Variants in CEP250 observed in about 807,000 individuals in gnomAD.
The protein encoded by CEP250 is centrosome-associated protein CEP250.
In CEP250, 242 loss-of-function variants were observed where a neutral mutation model predicts 315.7. The ratio of observed to expected loss-of-function variants is 0.77; its 90% CI spans 0.69 to 0.85. The LOEUF (loss-of-function observed/expected upper bound fraction) is 0.85, where lower values mean the gene tolerates loss of function less well. Among genes scored for constraint, CEP250 ranks in the 40% least tolerant of loss-of-function variants. The pLI, the probability that CEP250 is intolerant of heterozygous loss-of-function variation, is 0.00. For missense variants in CEP250, 2,515 were observed against 2,886.4 expected, an observed-to-expected ratio of 0.87 and a Z score of 2.95; for synonymous variants, 1,088 against 1,175.0, an observed-to-expected ratio of 0.93 and a Z score of 1.51.
At chr20:35,500,247 C>T in intron 28 of CEP250, 78 bp downstream of exon 28, 1 of 1,520,166 alleles carries the variant, frequency 6.6e-7, no homozygotes, top group East Asian at 2.3e-5. Context: ...AGGCACAGGC[C>T]TAGCAGCCAC....
intron 20 of CEP250, among the ~76,000 whole-genome samples, chr20:35,484,202 T>C (rs1489471103): frequency 1.3e-5 from 2 of 152,144 alleles, no homozygotes; most frequent in Admixed American, 6.5e-5. Context: ...TTTTTCTTTT[T>C]TCCCCCAGAG....
chr20:35,502,269 C>CT (rs11311074), intron 29 of CEP250, 121 bp from the exon 30 acceptor site: 583,103 of 833,290 alleles, frequency 0.7, 208,122 homozygotes, highest in Non-Finnish European at 0.75. Context: ...TATACCACCA[C>CT]TTTTTTTTGC....
At chr20:35,466,252 GGA>G in intron 7 of CEP250, 48 bp downstream of exon 7, 1 of 1,543,746 alleles carries the variant, frequency 6.5e-7, no homozygotes, top group Non-Finnish European at 8.8e-7. Flanking sequence ...TGTGTATTCT[GGA>G]TGCTGCCCTG....
At chr20:35,487,354 C>T (rs899253457) in intron 20 of CEP250, among the ~76,000 whole-genome samples, 1 of 152,052 alleles carries the variant, frequency 6.6e-6, no homozygotes, top group African/African-American at 2.4e-5. Flanking sequence ...CCTGTAATCC[C>T]AGCTACTTGG....
chr20:35,493,459 C>G lies in CEP250; in HGVS notation c.2920C>G (p.Gln974Glu), dbSNP rs2063752927. 6.2e-7 allele frequency: 1 copy of G among 1,609,206 alleles called. No individual in the cohort carries two copies. Among genetic ancestry groups the G allele is most frequent in the East Asian group, 2.3e-5 (1 of 44,394 alleles). The change falls in exon 23 of 35, where the codon CAG (glutamine) becomes GAG (glutamate). Residue 974 changes from glutamine (Q) to glutamate (E), a missense_variant. By Grantham distance (29) the Gln-to-Glu change is conservative. Transcript: ENST00000397527. ...CACTGGGATACTACAGACCCAGCTC[C>G]AGGAGGCTCAACGGGAGCTGAAGGA... is the stretch of plus-strand genomic sequence containing the variant. ...ETTGILQTQL[Q>E]EAQRELKEAA...
intron 12 of CEP250, 35 bp downstream of exon 12, chr20:35,472,866 G>A: frequency 1.2e-6 from 2 of 1,611,646 alleles, no homozygotes; most frequent in Non-Finnish European, 1.7e-6. Context: ...CAGTCACAGG[G>A]GTTTGTGTCT....
In CEP250 at chr20:35,473,997, C is replaced by T. The variant is rs751244871; in HGVS notation, c.1516C>T (p.Gln506Ter). 6.2e-7 allele frequency: 1 copy of T among 1,603,262 alleles called. No individual in the cohort carries two copies. The highest frequency in any genetic ancestry group is 8.5e-7 in the Non-Finnish European group (1 of 1,176,492). The change falls in exon 14 of 35, where the codon CAG (glutamine) becomes TAG (stop). Residue 506 changes from glutamine (Q) to a stop codon, truncating the protein, a stop_gained. Coordinates refer to ENST00000397527, the MANE Select transcript of CEP250 (RefSeq NM_007186.6). LOFTEE classifies it high-confidence loss of function. ...GCTGCAGGGGGACTCTGCCCAGGGC[C>T]AGAAGGAGGAACAGCAGGAGGAGCT... is the stretch of plus-strand genomic sequence containing the variant. ...LQLQGDSAQG[Q>*]KEEQQEELHL...
At position 35,493,524 on chromosome 20, in the gene CEP250, A is replaced by T. The variant is rs2296403; in HGVS notation, c.2985A>T (p.Gln995His). 1,398 of 1,606,932 alleles carry T rather than the reference A, an allele frequency of 8.7e-4. 31 individuals are homozygous for T. In the East Asian group the frequency reaches 0.028, roughly 32 times the overall value. Residue 995 changes from glutamine to histidine, a missense_variant, in exon 23 of 35, where the codon CAA becomes CAT. Physicochemically the swap from Gln to His is conservative, Grantham distance 24. Transcript: ENST00000397527. ...ACAGAGATGACCTTGCTGCCCTCCA[A>T]GAAGAGAGCAGCTCCCTGCTGCAGG... ...RQHRDDLAAL[Q>H]EESSSLLQDK...
Position 35,511,947 on chromosome 20 carries a change from A to C in CEP250, c.*321A>C. On this transcript the variant is annotated 3_prime_UTR_variant, in exon 35 of 35. Transcript: ENST00000397527. Reference sequence around the variant, plus strand: ...ACCACCTCCTTCATCTTCTCCTTCAACAATAAACCCTGGGATCTTTGCATT... The same window carrying C: ...ACCACCTCCTTCATCTTCTCCTTCACCAATAAACCCTGGGATCTTTGCATT... 5 of 1,147,070 alleles carry C rather than the reference A, an allele frequency of 4.4e-6. No individual in the cohort carries two copies. Among genetic ancestry groups the C allele is most frequent in the East Asian group, 4.8e-5 (1 of 21,002 alleles). The allele number at this position is 1,147,070 out of a possible 1,614,324, so 71.1% of individuals were successfully genotyped here. A position where few individuals can be genotyped will look rare whatever the true frequency, so the allele number is the denominator to read the frequency against.
Position 35,469,975 on chromosome 20 carries a change from G to T in CEP250, c.937G>T (p.Val313Leu). Residue 313 changes from valine to leucine, a missense_variant, in exon 10 of 35, where the codon GTG (valine) becomes TTG (leucine). Val to Leu is a conservative substitution (Grantham distance 32). Transcript: ENST00000397527. Reference sequence around the variant, plus strand: ...GATGATAAAGGCTCTGAGAGAGACAGTGGAGATCCTGGTACATGATCCTTT... The same window carrying T: ...GATGATAAAGGCTCTGAGAGAGACATTGGAGATCCTGGTACATGATCCTTT... The part of the protein sequence containing the change: ...EKMIKALRET[V>L]EILETNHTEL... 1.2e-6 allele frequency: 2 copies of T among 1,611,842 alleles called. No homozygotes were observed. Among genetic ancestry groups the T allele is most frequent in the Non-Finnish European group, 1.7e-6 (2 of 1,177,896 alleles).
Position 35,516,349 on chromosome 20 carries a change from T to C in CEP250, c.*4723T>C, listed in dbSNP as rs2064435622. 6.6e-6 allele frequency: 1 copy of C among 152,226 alleles called. No individual in the cohort carries two copies. Among genetic ancestry groups the C allele is most frequent in the Non-Finnish European group, 1.5e-5 (1 of 68,040 alleles). 9.4% of individuals were successfully genotyped at this position (152,226 alleles called of 1,614,324 possible). On this transcript the variant is annotated 3_prime_UTR_variant, in exon 35 of 35. Coordinates refer to ENST00000397527, the MANE Select transcript of CEP250 (RefSeq NM_007186.6). ...CACATTGCCCTTGCACCTCCTGTCT[T>C]GGTTTCCTATCAAAACCTCTCCCGT...
At position 35,503,959 on chromosome 20, in the gene CEP250, C is replaced by G. The variant is rs2064100939; in HGVS notation, c.5590C>G (p.His1864Asp). The change falls in exon 30 of 35, where the codon CAC becomes GAC. Residue 1864 changes from histidine to aspartate, a missense_variant. His to Asp is a moderately conservative substitution (Grantham distance 81, BLOSUM62 -1). Transcript: ENST00000397527. This position sits in a 1 kb window ranked among gnomAD's most constrained non-coding sequence, Gnocchi z 4.2. ...LKERHGELQD[H>D]KEQARRLEEE... is the part of the protein sequence containing the mutation. ...GGAGCGTCATGGAGAGCTTCAGGAC[C>G]ACAAGGAACAGGCACGAAGGCTGGA... 1.9e-6 allele frequency: 3 copies of G among 1,612,766 alleles called. No homozygotes were observed. The South Asian group carries it at 3.3e-5, about 18-fold the overall frequency.
At chr20:35,497,214 A>C (rs943848630) in intron 25 of CEP250, among the ~76,000 whole-genome samples, 4 of 152,190 alleles carry the variant, frequency 2.6e-5, no homozygotes, top group African/African-American at 9.7e-5. Context: ...AAGGGCACAC[A>C]GGTTTGGCTG....
At chr20:35,470,983 A>G (rs1313576914) in intron 10 of CEP250, among the ~76,000 whole-genome samples, 1 of 152,096 alleles carries the variant, frequency 6.6e-6, no homozygotes, top group Non-Finnish European at 1.5e-5. Context: ...GCTTAATACC[A>G]TGTTTCATCT....
chr20:35,501,270 G>T lies in CEP250; in HGVS notation c.3899-575G>T, dbSNP rs1331165816. On this transcript the variant is annotated intron_variant, in intron 28 of 34. Transcript: ENST00000397527. ...GGGAATCGCTTGAACCCGGGAGGTGGAGGTTGCAGTGAGCCGAGATTGTGC... is the reference window on the plus strand; with the variant it reads ...GGGAATCGCTTGAACCCGGGAGGTGTAGGTTGCAGTGAGCCGAGATTGTGC... 2.0e-5 allele frequency among the ~76,000 whole-genome samples: 3 copies of T among 152,136 alleles called. No homozygotes were observed. In the East Asian group the frequency reaches 5.8e-4, roughly 29 times the overall value.
intron 16 of CEP250, 59 bp downstream of exon 16, chr20:35,476,654 G>C (rs1184898418): frequency 6.9e-7 from 1 of 1,453,408 alleles, no homozygotes; most frequent in Non-Finnish European, 9.6e-7. Flanking sequence ...AGAGCAAGAC[G>C]GATCAGCTCC....
At chr20:35,501,712 T>G in intron 28 of CEP250, 133 bp from the exon 29 acceptor site, 1 of 969,224 alleles carries the variant, frequency 1.0e-6, no homozygotes. Flanking sequence ...GGACACTGGA[T>G]ATAATTTTCT....
intron 22 of CEP250, among the ~76,000 whole-genome samples, chr20:35,492,943 G>A (rs1017161569): frequency 4.6e-5 from 7 of 152,094 alleles, no homozygotes; most frequent in South Asian, 2.1e-4. Context: ...GGCCAGGGTC[G>A]TCTCAAACTT....
At chr20:35,493,616 A>C in intron 23 of CEP250, 44 bp downstream of exon 23, 3 of 1,458,340 alleles carry the variant, frequency 2.1e-6, no homozygotes, top group Non-Finnish European at 2.7e-6. Context: ...CTTCCCCAAC[A>C]CAGCCAGGCT....
Sources: allele counts gnomAD v4.1 joint callset (sites outside exome capture counted in the v4.1 genomes callset), GRCh38; gene constraint gnomAD v4.1.1; non-coding constraint Gnocchi (gnomAD v3.1); transcripts MANE v1.5; gene names NCBI Gene and HGNC (gene_info 2026-07-23, HGNC 2026-07-21).